SMIM1: variants seen among roughly 807,000 people sequenced by gnomAD.
SMIM1 encodes small integral membrane protein 1.
A neutral mutation model predicts 7.7 loss-of-function variants in SMIM1; 7 were observed. The ratio of observed to expected loss-of-function variants is 0.91; its 90% confidence interval spans 0.52 to 1.71. The LOEUF (loss-of-function observed/expected upper bound fraction) is 1.71. SMIM1 is among the 40% of genes most tolerant of loss of function. The pLI is 0.00. For missense variants in SMIM1, 95 were observed against 102.8 expected (o/e 0.92, Z 0.33); for synonymous variants, 41 against 42.7 (o/e 0.96, Z 0.16).
chr1:3,775,720 A>G lies in SMIM1; in HGVS notation c.111-75A>G, dbSNP rs1369978944. ...AGGCCCCTCCCCCTGACCCAGACCAACGGCCACAGTCCACTTAGGGGGCCC... is the reference window on the plus strand; with the variant it reads ...AGGCCCCTCCCCCTGACCCAGACCAGCGGCCACAGTCCACTTAGGGGGCCC... On this transcript the variant is annotated intron_variant, in intron 3 of 3. Transcript: ENST00000642557. The surrounding 1 kb of genome is among the most constrained non-coding windows in gnomAD (Gnocchi z 5.3). The G allele has an allele frequency of 6.7e-7, 1 of 1,498,354 alleles. No homozygotes were observed. The highest frequency in any genetic ancestry group is 2.2e-5 in the Admixed American group (1 of 45,892). 92.8% of individuals were successfully genotyped at this position (1,498,354 alleles called of 1,614,324 possible). A position where few individuals can be genotyped will look rare whatever the true frequency, so the allele number is the denominator to read the frequency against.
rs1643446865 is a variant in SMIM1 at position 3,775,646 on chromosome 1, G to A, written c.111-149G>A. ...AACCGCAGCCTTTGGCCTTCCCTCT[G>A]GTTGGCTGTGGGCGGGGAGAGCTTC... is the stretch of plus-strand genomic sequence containing the variant. On this transcript the variant is annotated intron_variant, in intron 3 of 3. Transcript: ENST00000642557. The surrounding 1 kb of genome is among the most constrained non-coding windows in gnomAD (Gnocchi z 5.3). The A allele has an allele frequency of 3.8e-6, 5 of 1,331,196 alleles. No homozygotes were observed. Among genetic ancestry groups the A allele is most frequent in the South Asian group, 3.0e-5 (2 of 67,162 alleles). 82.5% of individuals were successfully genotyped at this position (1,331,196 alleles called of 1,614,324 possible). A position where few individuals can be genotyped will look rare whatever the true frequency, so the allele number is the denominator to read the frequency against.
Position 3,775,525 on chromosome 1 carries a change from T to C in SMIM1, c.110+42T>C, listed in dbSNP as rs1570730420. 2 of 1,499,378 alleles carry C rather than the reference T, an allele frequency of 1.3e-6. No individual in the cohort carries two copies. The highest frequency in any genetic ancestry group is 1.8e-6 in the Non-Finnish European group (2 of 1,105,186). The allele number at this position is 1,499,378 out of a possible 1,614,324, so 92.9% of individuals were successfully genotyped here. ...CAGCCTGCCAGCCATAGCAGGCTGG[T>C]GTCTCCCTCCAGAGACGCCTGCCCT... On this transcript the variant is annotated intron_variant, in intron 3 of 3. Coordinates refer to ENST00000642557, the MANE Select transcript of SMIM1 (RefSeq NM_001288583.2). This position sits in a 1 kb window ranked among gnomAD's most constrained non-coding sequence, Gnocchi z 5.3.
Position 3,775,259 on chromosome 1 carries a change from G to A in SMIM1, c.-75-40G>A. ...CCCCTCTCCTAACAGCAGCCTCAGAGGGGGTCTTGACTGCCGCCCTCCATC... is the reference window on the plus strand; with the variant it reads ...CCCCTCTCCTAACAGCAGCCTCAGAAGGGGTCTTGACTGCCGCCCTCCATC... On this transcript the variant is annotated intron_variant, in intron 2 of 3. Transcript: ENST00000642557. This position sits in a 1 kb window ranked among gnomAD's most constrained non-coding sequence, Gnocchi z 5.3. The A allele has an allele frequency of 1.4e-6, 1 of 704,388 alleles. No homozygotes were observed. The allele number at this position is 704,388 out of a possible 1,614,324, so 43.6% of individuals were successfully genotyped here. A position where few individuals can be genotyped will look rare whatever the true frequency, so the allele number is the denominator to read the frequency against.
intron 2 of SMIM1, among the ~76,000 whole-genome samples, chr1:3,773,534 G>A (rs547204452): frequency 3.9e-5 from 6 of 152,298 alleles, no homozygotes; most frequent in Non-Finnish European, 7.4e-5. Context: ...CCCATGGTGG[G>A]CTGCTGCTGT....
Position 3,775,489 on chromosome 1 carries a change from G to A in SMIM1, c.110+6G>A. On this transcript the variant is annotated splice_donor_region_variant and intron_variant, in intron 3 of 3. Transcript: ENST00000642557. This position sits in a 1 kb window ranked among gnomAD's most constrained non-coding sequence, Gnocchi z 5.3. The stretch of plus-strand genomic sequence containing the variant: ...GAGGCCTCACGCTGCCGCAGGTGAG[G>A]GGCCTGAGGGCAGCCTGCCAGCCAT... 6.5e-7 allele frequency: 1 copy of A among 1,547,382 alleles called. No individual in the cohort carries two copies. The highest frequency in any genetic ancestry group is 1.2e-5 in the South Asian group (1 of 83,868).
At position 3,775,828 on chromosome 1, in the gene SMIM1, C is replaced by T; in HGVS notation, c.144C>T (p.Gly48=). 1.3e-6 allele frequency: 2 copies of T among 1,550,898 alleles called. No homozygotes were observed. Among genetic ancestry groups the T allele is most frequent in the Non-Finnish European group, 1.7e-6 (2 of 1,146,920 alleles). ...AGAGGCTGTGCACGGGCAAGCTGGG[C>T]ATCGCCATGAAGGTGCTGGGCGGCG... ...ISQRLCTGKL[G]IAMKVLGGVA... is the part of the protein sequence containing the mutation. The change falls in exon 4 of 4, where the codon GGC becomes GGT. Residue 48 remains glycine, a synonymous_variant. Coordinates refer to ENST00000642557, the MANE Select transcript of SMIM1 (RefSeq NM_001288583.2). The surrounding 1 kb of genome is among the most constrained non-coding windows in gnomAD (Gnocchi z 5.3).
Position 3,775,707 on chromosome 1 carries a change from C to G in SMIM1, c.111-88C>G, listed in dbSNP as rs773596451. The G allele has an allele frequency of 6.1e-5, 90 of 1,483,210 alleles. 1 individual carries two copies. The Middle Eastern group carries it at 2.1e-3, about 35-fold the overall frequency. 91.9% of individuals were successfully genotyped at this position (1,483,210 alleles called of 1,614,324 possible). ...CAGCAGAGCGCCCAGGCCCCTCCCC[C>G]TGACCCAGACCAACGGCCACAGTCC... On this transcript the variant is annotated intron_variant, in intron 3 of 3. Transcript: ENST00000642557. This position sits in a 1 kb window ranked among gnomAD's most constrained non-coding sequence, Gnocchi z 5.3.
chr1:3,774,518 C>CT (rs989968062), intron 2 of SMIM1, among the ~76,000 whole-genome samples: 1 of 152,208 alleles, frequency 6.6e-6, no homozygotes, highest in African/African-American at 2.4e-5. Flanking sequence ...CTGCCAGGCA[C>CT]CGAGCTGAGT....
Position 3,775,101 on chromosome 1 carries a change from C to T in SMIM1, c.-75-198C>T, listed in dbSNP as rs934963998. 6.6e-6 allele frequency among the ~76,000 whole-genome samples: 1 copy of T among 152,154 alleles called. No homozygotes were observed. Among genetic ancestry groups the T allele is most frequent in the Non-Finnish European group, 1.5e-5 (1 of 68,024 alleles). Reference sequence around the variant, plus strand: ...CACATGCCTGAGGTCAGGGCTTGGCCTGAGATGGAATTCTCGCTTGGTCCC... The same window carrying T: ...CACATGCCTGAGGTCAGGGCTTGGCTTGAGATGGAATTCTCGCTTGGTCCC... On this transcript the variant is annotated intron_variant, in intron 2 of 3. Transcript: ENST00000642557. The surrounding 1 kb of genome is among the most constrained non-coding windows in gnomAD (Gnocchi z 5.3).
At chr1:3,773,844 G>C (rs1339977484) in intron 2 of SMIM1, among the ~76,000 whole-genome samples, 1 of 152,200 alleles carries the variant, frequency 6.6e-6, no homozygotes, top group African/African-American at 2.4e-5. Flanking sequence ...CACCAGGCAA[G>C]AGGGCGTGAA....
At chr1:3,774,434 G>A (rs1236178592) in intron 2 of SMIM1, among the ~76,000 whole-genome samples, 2 of 152,164 alleles carry the variant, frequency 1.3e-5, no homozygotes, top group Non-Finnish European at 2.9e-5. Flanking sequence ...GGCTCAGGCC[G>A]GCCGGGCAGC....
chr1:3,775,626 C>A lies in SMIM1; in HGVS notation c.110+143C>A. Reference sequence around the variant, plus strand: ...CACGGTCCAGCAGCTCAGCAAACCGCAGCCTTTGGCCTTCCCTCTGGTTGG... The same window carrying A: ...CACGGTCCAGCAGCTCAGCAAACCGAAGCCTTTGGCCTTCCCTCTGGTTGG... On this transcript the variant is annotated intron_variant, in intron 3 of 3. Transcript: ENST00000642557. The surrounding 1 kb of genome is among the most constrained non-coding windows in gnomAD (Gnocchi z 5.3). The A allele has an allele frequency of 7.7e-7, 1 of 1,291,742 alleles. No individual in the cohort carries two copies. The highest frequency in any genetic ancestry group is 2.5e-5 in the East Asian group (1 of 39,416). The allele number at this position is 1,291,742 out of a possible 1,614,324, so 80.0% of individuals were successfully genotyped here.
At chr1:3,773,029 A>G (rs1032794641) in intron 1 of SMIM1, 34 bp from the exon 2 acceptor site, 2 of 152,240 alleles carry the variant, frequency 1.3e-5, no homozygotes, top group African/African-American at 4.8e-5. Context: ...GCCCTTAGCA[A>G]GATCGGCTTC....
chr1:3,774,623 C>G (rs900143261), intron 2 of SMIM1, among the ~76,000 whole-genome samples: 1 of 152,184 alleles, frequency 6.6e-6, no homozygotes, highest in African/African-American at 2.4e-5. Flanking sequence ...GGGCAGCCAC[C>G]CAGCCCTACG....
Position 3,775,613 on chromosome 1 carries a change from G to C in SMIM1, c.110+130G>C, listed in dbSNP as rs938887121. The C allele has an allele frequency of 9.4e-6, 12 of 1,279,592 alleles. No individual in the cohort carries two copies. The African/African-American group carries it at 1.6e-4, about 18-fold the overall frequency. 79.3% of individuals were successfully genotyped at this position (1,279,592 alleles called of 1,614,324 possible). ...CTGGCTGGGAGCCCACGGTCCAGCA[G>C]CTCAGCAAACCGCAGCCTTTGGCCT... On this transcript the variant is annotated intron_variant, in intron 3 of 3. Coordinates refer to ENST00000642557, the MANE Select transcript of SMIM1 (RefSeq NM_001288583.2). The surrounding 1 kb of genome is among the most constrained non-coding windows in gnomAD (Gnocchi z 5.3).
In SMIM1 at chr1:3,775,358, G is replaced by A. The variant is rs762872811; in HGVS notation, c.-16G>A. The A allele has an allele frequency of 1.4e-5, 21 of 1,538,628 alleles. No homozygotes were observed. The African/African-American group carries it at 1.4e-4, about 10-fold the overall frequency. ...CCACCGAGAAGGCCCCGCCCCTCCC[G>A]CTGCAGCCCCACAGCATGCAGCCCC... On this transcript the variant is annotated 5_prime_UTR_variant, in exon 3 of 4. Transcript: ENST00000642557. This position sits in a 1 kb window ranked among gnomAD's most constrained non-coding sequence, Gnocchi z 5.3.
chr1:3,774,205 G>A (rs1290947900), intron 2 of SMIM1, among the ~76,000 whole-genome samples: 1 of 152,126 alleles, frequency 6.6e-6, no homozygotes, highest in Non-Finnish European at 1.5e-5. Flanking sequence ...GAAGTGAGGG[G>A]CCTGCCATTG....
rs1451154047 is a variant in SMIM1 at position 3,775,040 on chromosome 1, G to T, written c.-75-259G>T. Among the ~76,000 whole-genome samples the T allele has an allele frequency of 6.6e-6, 1 of 152,140 alleles. No individual in the cohort carries two copies. Among genetic ancestry groups the T allele is most frequent in the Non-Finnish European group, 1.5e-5 (1 of 68,016 alleles). ...CTGATAAAAGCACCGGGGAAGGGAGGCTCCTGGAGTGTGCTGGAAGGAAAC... is the reference window on the plus strand; with the variant it reads ...CTGATAAAAGCACCGGGGAAGGGAGTCTCCTGGAGTGTGCTGGAAGGAAAC... On this transcript the variant is annotated intron_variant, in intron 2 of 3. Transcript: ENST00000642557. The surrounding 1 kb of genome is among the most constrained non-coding windows in gnomAD (Gnocchi z 5.3).
In SMIM1 at chr1:3,775,399, A is replaced by G; in HGVS notation, c.26A>G (p.His9Arg). The change falls in exon 3 of 4, where the codon CAC (histidine) becomes CGC (arginine). Residue 9 changes from histidine to arginine, a missense_variant. Physicochemically the swap from His to Arg is conservative, Grantham distance 29 (BLOSUM62 0). Coordinates refer to ENST00000642557, the MANE Select transcript of SMIM1 (RefSeq NM_001288583.2). The surrounding 1 kb of genome is among the most constrained non-coding windows in gnomAD (Gnocchi z 5.3). MQPQESHV[H>R]YSRWEDGSRD... The stretch of plus-strand genomic sequence containing the variant: ...ATGCAGCCCCAGGAGAGCCACGTCC[A>G]CTATAGTAGGTGGGAGGACGGCAGC... 1 of 1,549,996 alleles carries G rather than the reference A, an allele frequency of 6.5e-7. No homozygotes were observed. The highest frequency in any genetic ancestry group is 8.7e-7 in the Non-Finnish European group (1 of 1,146,610).
Sources: allele counts gnomAD v4.1 joint callset (sites outside exome capture counted in the v4.1 genomes callset), GRCh38; gene constraint gnomAD v4.1.1; non-coding constraint Gnocchi (gnomAD v3.1); transcripts MANE v1.5; gene names NCBI Gene and HGNC (gene_info 2026-07-23, HGNC 2026-07-21).